Variants in MDN1 observed in about 807,000 individuals in gnomAD.
The protein encoded by MDN1 is midasin AAA ATPase 1.
Under a neutral mutation model 669.2 loss-of-function variants are expected in MDN1, and 266 were observed. The ratio of observed to expected loss-of-function variants is 0.40; its 90% CI spans 0.36 to 0.44. MDN1 has a LOEUF of 0.44. Among genes scored for constraint, MDN1 ranks in the 20% least tolerant of loss-of-function variants. The pLI is 1.00. For missense variants in MDN1, 5,940 were observed against 6,754.0 expected (o/e 0.88, Z 4.22); for synonymous variants, 2,385 against 2,457.1 (o/e 0.97, Z 0.87).
chr6:89,690,652 A>G, intron 64 of MDN1, 21 bp downstream of exon 64: 1 of 1,613,206 alleles, frequency 6.2e-7, no homozygotes, highest in Non-Finnish European at 8.5e-7. Flanking sequence ...TCCAAAACAC[A>G]CCCTGCCATC....
At chr6:89,740,739 T>C (rs760763760) in intron 31 of MDN1, among the ~76,000 whole-genome samples, 1 of 152,212 alleles carries the variant, frequency 6.6e-6, no homozygotes, top group Non-Finnish European at 1.5e-5. Context: ...GTATATCCAA[T>C]ACTATTCGGG....
At chr6:89,767,041 C>T (rs1817834758) in intron 15 of MDN1, among the ~76,000 whole-genome samples, 1 of 152,150 alleles carries the variant, frequency 6.6e-6, no homozygotes, top group Admixed American at 6.6e-5. Context: ...GTGCTATGAA[C>T]ATGCACTCTG....
At chr6:89,660,809 G>T (rs1027069111) in intron 88 of MDN1, among the ~76,000 whole-genome samples, 1 of 151,990 alleles carries the variant, frequency 6.6e-6, no homozygotes, top group African/African-American at 2.4e-5. Flanking sequence ...TATCAGCGAG[G>T]CCAGCTCACA....
At position 89,643,672 on chromosome 6, in the gene MDN1, C is replaced by A; in HGVS notation, c.*333G>T. The A allele has an allele frequency of 4.8e-6, 1 of 206,852 alleles. No homozygotes were observed. Among genetic ancestry groups the A allele is most frequent in the South Asian group, 1.1e-4 (1 of 8,828 alleles). 12.8% of individuals were successfully genotyped at this position (206,852 alleles called of 1,614,324 possible). On this transcript the variant is annotated 3_prime_UTR_variant, in exon 102 of 102. Transcript: ENST00000369393. ...CTCCTGGCAGCATCTCCTCAAGGCA[C>A]AGGTGCCCAGATCCCCTGCAAAAGA...
chr6:89,800,501 C>T (rs1767567740), intron 2 of MDN1, among the ~76,000 whole-genome samples: 1 of 152,116 alleles, frequency 6.6e-6, no homozygotes, highest in African/African-American at 2.4e-5. Flanking sequence ...AATGGAGGTG[C>T]TGAGAGGGTA....
chr6:89,696,630 C>A, intron 59 of MDN1, 56 bp from the exon 60 acceptor site: 1 of 1,375,302 alleles, frequency 7.3e-7, no homozygotes, highest in Non-Finnish European at 1.0e-6. Flanking sequence ...TTTCCAGAAG[C>A]AGCATTAGGG....
chr6:89,776,709 CA>C lies in MDN1; in HGVS notation c.1726-15del. ...ACAGTCTAGAGCCTATTAAAATAAC[CA>C]AGGTAAATGCTGACTGATTTTTAAA... On this transcript the variant is annotated splice_polypyrimidine_tract_variant and intron_variant, in intron 11 of 101. Coordinates refer to ENST00000369393, the MANE Select transcript of MDN1 (RefSeq NM_014611.3). The C allele has an allele frequency of 6.5e-7, 1 of 1,534,752 alleles. No homozygotes were observed. The highest frequency in any genetic ancestry group is 2.3e-5 in the East Asian group (1 of 43,954).
intron 86 of MDN1, 79 bp from the exon 87 acceptor site, chr6:89,662,318 G>A: frequency 6.9e-7 from 1 of 1,451,218 alleles, no homozygotes; most frequent in Non-Finnish European, 9.3e-7. Flanking sequence ...TTTTAGACAT[G>A]CATAATTTCT....
At chr6:89,661,345 G>A (rs1177585026) in intron 88 of MDN1, 86 bp downstream of exon 88, 3 of 1,455,044 alleles carry the variant, frequency 2.1e-6, no homozygotes, top group Non-Finnish European at 2.8e-6. Context: ...ACCTGGCCAT[G>A]ACACTGAGCT....
chr6:89,678,460 G>C, intron 75 of MDN1, 139 bp downstream of exon 75: 1 of 885,896 alleles, frequency 1.1e-6, no homozygotes, highest in African/African-American at 1.7e-5. Context: ...GGAACTCTTA[G>C]ACATCTGGAA....
intron 80 of MDN1, among the ~76,000 whole-genome samples, chr6:89,672,909 A>G (rs1208118410): frequency 6.6e-6 from 1 of 152,226 alleles, no homozygotes; most frequent in East Asian, 1.9e-4. Flanking sequence ...AAAATAATGT[A>G]AAAAATATAA....
intron 2 of MDN1, among the ~76,000 whole-genome samples, chr6:89,799,831 A>G (rs1167748563): frequency 1.3e-5 from 2 of 152,216 alleles, no homozygotes; most frequent in African/African-American, 4.8e-5. Context: ...TTAGTTTTCA[A>G]TCTGGTTCCA....
Position 89,750,360 on chromosome 6 carries a change from TA to T in MDN1, c.3399del (p.Phe1133LeufsTer10). On this transcript the variant is annotated frameshift_variant, in exon 24 of 102. Transcript: ENST00000369393. LOFTEE classifies it high-confidence loss of function. ...AATGGAATCTTAACCCTACCTTCCT[TA>T]AAGACAAGCTTCCCTGAGGAGTCAG... ...YTSDSSGKLVFKEGVLIDAMR... is the reference protein window; with the variant it reads ...YTSDSSGKLVXKEGVLIDAMR... The T allele has an allele frequency of 6.2e-7, 1 of 1,607,494 alleles. No individual in the cohort carries two copies. Among genetic ancestry groups the T allele is most frequent in the Non-Finnish European group, 8.5e-7 (1 of 1,174,596 alleles).
chr6:89,675,727 T>C, intron 77 of MDN1, 148 bp from the exon 78 acceptor site: 1 of 638,694 alleles, frequency 1.6e-6, no homozygotes, highest in Non-Finnish European at 2.7e-6. Context: ...GTTTCTCCAA[T>C]TATGCTTGCA....
chr6:89,699,561 C>A, intron 58 of MDN1, 40 bp downstream of exon 58: 1 of 1,567,412 alleles, frequency 6.4e-7, no homozygotes, highest in Non-Finnish European at 8.6e-7. Flanking sequence ...CTAACCAACT[C>A]ATAATGTAAA....
chr6:89,682,776 CAAAAAAAAAAA>C (rs1168971439), intron 73 of MDN1, among the ~76,000 whole-genome samples: 2 of 35,284 alleles, frequency 5.7e-5, no homozygotes, highest in Non-Finnish European at 1.1e-4. Flanking sequence ...CTCATCTCTA[CAAAAAAAAAAA>C]AAAAAAAAAA....
intron 1 of MDN1, chr6:89,815,392 G>T (rs947760972): frequency 2.7e-5 from 11 of 409,126 alleles, no homozygotes; most frequent in South Asian, 2.1e-4. Context: ...GACTGAGGAA[G>T]TGCCCTGCAG....
In MDN1 at chr6:89,740,351, T is replaced by C. The variant is rs1249849569; in HGVS notation, c.4476A>G (p.Val1492=). ...NSVLEVEKSL[V]LAEKGSPEDK... The stretch of plus-strand genomic sequence containing the variant: ...CCTCTGGACTGCCTTTTTCAGCTAA[T>C]ACCAGAGACTTTTCTACTTCAAGGA... Residue 1492 remains valine (V), a synonymous_variant, in exon 32 of 102, where the codon GTA becomes GTG. Transcript: ENST00000369393. The C allele has an allele frequency of 6.3e-7, 1 of 1,588,976 alleles. No homozygotes were observed. Among genetic ancestry groups the C allele is most frequent in the East Asian group, 2.3e-5 (1 of 43,340 alleles).
rs1424897145 is a variant in MDN1, at chr6:89,787,937, G to C, written c.1251C>G (p.Leu417=). Residue 417 remains leucine (L), a synonymous_variant, in exon 8 of 102, where the codon CTC becomes CTG. Coordinates refer to ENST00000369393, the MANE Select transcript of MDN1 (RefSeq NM_014611.3). ...GAATCAAGAGCTCTCCATTCTCCAAGAGAGGGATCAGCACAGAAACCTAAA... is the reference window on the plus strand; with the variant it reads ...GAATCAAGAGCTCTCCATTCTCCAACAGAGGGATCAGCACAGAAACCTAAA... ...PLDVVSVLIP[L]LENGELLIPG... The C allele has an allele frequency of 1.2e-6, 2 of 1,613,380 alleles. No individual in the cohort carries two copies. Among genetic ancestry groups the C allele is most frequent in the Non-Finnish European group, 1.7e-6 (2 of 1,179,944 alleles).
Sources: gnomAD v4.1 joint callset for allele counts (sites outside exome capture counted in the v4.1 genomes callset) on GRCh38, gnomAD v4.1.1 for gene constraint, MANE v1.5 for transcripts, NCBI Gene and HGNC (gene_info 2026-07-23, HGNC 2026-07-21) for gene names.